PLSCR1: variants seen among roughly 807,000 people sequenced by gnomAD.
PLSCR1 encodes the protein phospholipid scramblase 1.
A neutral mutation model predicts 37.8 loss-of-function variants in PLSCR1; 17 were observed. That is an observed-to-expected ratio of 0.45 (90% CI 0.31 to 0.68). The LOEUF (loss-of-function observed/expected upper bound fraction) is 0.68, where lower values mean the gene tolerates loss of function less well. PLSCR1 is among the 30% of genes least tolerant of loss of function. The probability of loss-of-function intolerance (pLI) is 0.06; values close to 1 mark genes in which losing one functional copy is unlikely to be tolerated. For missense variants in PLSCR1, 347 were observed against 380.9 expected (o/e 0.91, Z 0.74); for synonymous variants, 116 against 125.9 (o/e 0.92, Z 0.53).
chr3:146,529,700 A>G (rs914179123), intron 3 of PLSCR1, among the ~76,000 whole-genome samples: 2 of 152,106 alleles, frequency 1.3e-5, no homozygotes, highest in Admixed American at 1.3e-4. Flanking sequence ...TTTTTAGTAG[A>G]GACGGGGTTT....
chr3:146,535,026 C>A (rs1490523044), intron 2 of PLSCR1, among the ~76,000 whole-genome samples: 2 of 152,144 alleles, frequency 1.3e-5, no homozygotes, highest in Non-Finnish European at 2.9e-5. Flanking sequence ...CCATTCTCTT[C>A]TATTTCTCAG....
intron 4 of PLSCR1, among the ~76,000 whole-genome samples, chr3:146,527,722 C>A (rs554567766): frequency 1.3e-5 from 2 of 152,154 alleles, no homozygotes; most frequent in Admixed American, 6.5e-5. Flanking sequence ...TATGATTATG[C>A]CACTTAAGCA....
intron 2 of PLSCR1, among the ~76,000 whole-genome samples, chr3:146,535,563 T>C (rs569204148): frequency 6.6e-6 from 1 of 152,274 alleles, no homozygotes; most frequent in South Asian, 2.1e-4. Context: ...TTCACACACA[T>C]ATACACATTT....
chr3:146,528,132 A>C (rs1348185231), intron 4 of PLSCR1: 2 of 152,466 alleles, frequency 1.3e-5, no homozygotes, highest in African/African-American at 4.8e-5. Flanking sequence ...TTTCTTCCAA[A>C]TTATAAGGCA....
intron 1 of PLSCR1, among the ~76,000 whole-genome samples, chr3:146,538,692 A>C (rs2120381): frequency 0.27 from 41,200 of 151,994 alleles, 5,800 homozygotes; most frequent in African/African-American, 0.32. Flanking sequence ...TAAGAGAAGA[A>C]ACTTAGGCAA....
At chr3:146,523,040 C>T (rs564074544) in intron 5 of PLSCR1, among the ~76,000 whole-genome samples, 26 of 152,316 alleles carry the variant, frequency 1.7e-4, no homozygotes, top group African/African-American at 5.3e-4. Flanking sequence ...CGGGAAACGC[C>T]CGATAATGAT....
rs566029762 is a variant in PLSCR1 at position 146,517,445 on chromosome 3, G to A, written c.739-278C>T. The A allele has an allele frequency of 7.7e-4, 130 of 169,780 alleles. 2 individuals carry two copies. Among genetic ancestry groups the A allele is most frequent in the African/African-American group, 2.8e-3 (117 of 42,136 alleles). 10.5% of individuals were successfully genotyped at this position (169,780 alleles called of 1,614,324 possible). A position where few individuals can be genotyped will look rare whatever the true frequency, so the allele number is the denominator to read the frequency against. ...ATAAATTATTTGAATTGACCCAAAAGAAAATTTAAGCAAAAAAGGATATAA... is the reference window on the plus strand; with the variant it reads ...ATAAATTATTTGAATTGACCCAAAAAAAAATTTAAGCAAAAAAGGATATAA... On this transcript the variant is annotated intron_variant, in intron 7 of 8. Transcript: ENST00000342435.
intron 4 of PLSCR1, chr3:146,528,058 C>T (rs1484224541): frequency 6.6e-6 from 1 of 152,190 alleles, no homozygotes; most frequent in Non-Finnish European, 1.5e-5. Context: ...TCATATTATA[C>T]ATAAAATATT....
chr3:146,531,627 T>C (rs866525193), intron 3 of PLSCR1, among the ~76,000 whole-genome samples: 12 of 151,814 alleles, frequency 7.9e-5, no homozygotes, highest in South Asian at 2.1e-4. Context: ...ATGTAAAGAC[T>C]AATTGATTTA....
intron 5 of PLSCR1, among the ~76,000 whole-genome samples, chr3:146,523,274 T>G (rs531595853): frequency 6.6e-6 from 1 of 152,336 alleles, no homozygotes; most frequent in Admixed American, 6.5e-5. Context: ...CCTAATTCCA[T>G]AAATGTCTGT....
intron 1 of PLSCR1, among the ~76,000 whole-genome samples, chr3:146,539,769 T>G (rs1360681720): frequency 6.6e-6 from 1 of 152,226 alleles, no homozygotes; most frequent in African/African-American, 2.4e-5. Context: ...TGCTTTACTA[T>G]AGGTTTTAGA....
Position 146,535,392 on chromosome 3 carries a change from G to A in PLSCR1, c.13+1148C>T, listed in dbSNP as rs79984428. ...TACAAGGAGAATGAGTGAATGGGCAGGTGTTCAAGCAGAACAAAGAGCATG... is the reference window on the plus strand; with the variant it reads ...TACAAGGAGAATGAGTGAATGGGCAAGTGTTCAAGCAGAACAAAGAGCATG... On this transcript the variant is annotated intron_variant, in intron 2 of 8. Coordinates refer to ENST00000342435, the MANE Select transcript of PLSCR1 (RefSeq NM_021105.3). Among the ~76,000 whole-genome samples the A allele has an allele frequency of 9.0e-3, 1,373 of 152,140 alleles. 21 individuals are homozygous for A. Among genetic ancestry groups the A allele is most frequent in the African/African-American group, 0.031 (1,282 of 41,496 alleles).
intron 1 of PLSCR1, among the ~76,000 whole-genome samples, chr3:146,541,393 T>C (rs748855946): frequency 3.3e-5 from 5 of 152,210 alleles, no homozygotes; most frequent in Non-Finnish European, 7.4e-5. Context: ...TTTACTACTC[T>C]GAAAAGCCTT....
At chr3:146,516,984 A>G (rs760531795) in intron 8 of PLSCR1, 22 bp downstream of exon 8, 31 of 1,443,440 alleles carry the variant, frequency 2.1e-5, no homozygotes, top group Non-Finnish European at 2.7e-5. Flanking sequence ...TCTATAATCA[A>G]GATTAATAAG....
At chr3:146,524,568 T>C (rs2044080130) in intron 5 of PLSCR1, among the ~76,000 whole-genome samples, 1 of 143,950 alleles carries the variant, frequency 6.9e-6, no homozygotes, top group South Asian at 2.2e-4. Flanking sequence ...CAAAAAAAGA[T>C]AAATAGTGTG....
intron 3 of PLSCR1, among the ~76,000 whole-genome samples, chr3:146,529,786 T>C (rs1426518521): frequency 1.3e-5 from 2 of 152,192 alleles, no homozygotes; most frequent in African/African-American, 4.8e-5. Flanking sequence ...GTGCTGGGAT[T>C]ACAGGCGTGA....
intron 3 of PLSCR1, among the ~76,000 whole-genome samples, chr3:146,529,941 T>C (rs2044173397): frequency 6.6e-6 from 1 of 152,214 alleles, no homozygotes; most frequent in Admixed American, 6.5e-5. Context: ...TCTATTATAA[T>C]ATTTAGGTTA....
At chr3:146,522,803 A>G (rs61347756) in intron 5 of PLSCR1, among the ~76,000 whole-genome samples, 28,192 of 147,288 alleles carry the variant, frequency 0.19, 3,017 homozygotes, top group African/African-American at 0.3. Context: ...GTAAAGCCCA[A>G]TTGTATATTC....
intron 7 of PLSCR1, among the ~76,000 whole-genome samples, chr3:146,519,280 T>G (rs1050552976): frequency 2.0e-5 from 3 of 152,080 alleles, no homozygotes; most frequent in African/African-American, 7.2e-5. Context: ...TGAATACTAA[T>G]GAAAATCTAG....
Sources: gnomAD v4.1 joint callset for allele counts (sites outside exome capture counted in the v4.1 genomes callset) on GRCh38, gnomAD v4.1.1 for gene constraint, MANE v1.5 for transcripts, NCBI Gene and HGNC (gene_info 2026-07-23, HGNC 2026-07-21) for gene names.